Variants in RAI14 observed in about 807,000 individuals in gnomAD.
The protein encoded by RAI14 is ankycorbin.
Under a neutral mutation model 115.4 loss-of-function variants are expected in RAI14, and 45 were observed. The ratio of observed to expected loss-of-function variants is 0.39; its 90% CI spans 0.31 to 0.50. RAI14 has a LOEUF of 0.50. Ranked by LOEUF, RAI14 falls within the 20% of genes least tolerant of loss-of-function variation. RAI14 has a pLI of 0.85. For synonymous variants in RAI14, 371 were observed against 415.4 expected (o/e 0.89, Z 1.30); for missense variants, 939 against 1,131.2 (o/e 0.83, Z 2.44).
chr5:34,698,274 C>T (rs1369269970), intron 2 of RAI14, among the ~76,000 whole-genome samples: 2 of 149,124 alleles, frequency 1.3e-5, no homozygotes, highest in South Asian at 2.2e-4. Context: ...CCAGCACTTC[C>T]CTTTAAAGCA....
At chr5:34,716,377 G>C (rs1160742990) in intron 2 of RAI14, among the ~76,000 whole-genome samples, 1 of 151,884 alleles carries the variant, frequency 6.6e-6, no homozygotes, top group Non-Finnish European at 1.5e-5. Flanking sequence ...AGTAGCTTTT[G>C]TCATGTGGGT....
chr5:34,678,030 C>T (rs927213952), intron 1 of RAI14, among the ~76,000 whole-genome samples: 3 of 152,048 alleles, frequency 2.0e-5, no homozygotes, highest in Non-Finnish European at 4.4e-5. Context: ...CTCTAGGGAT[C>T]GCTGTATGGT....
chr5:34,781,862 T>C (rs1232089561), intron 3 of RAI14, among the ~76,000 whole-genome samples: 2 of 151,820 alleles, frequency 1.3e-5, no homozygotes, highest in Non-Finnish European at 2.9e-5. Context: ...GAGTGTGGAG[T>C]GGGAAATCAG....
At chr5:34,799,201 C>T (rs1753892846) in intron 4 of RAI14, among the ~76,000 whole-genome samples, 1 of 152,200 alleles carries the variant, frequency 6.6e-6, no homozygotes, top group Non-Finnish European at 1.5e-5. Flanking sequence ...CCTATTCACT[C>T]TCCCTCTCAA....
At chr5:34,732,838 A>G (rs1744376785) in intron 2 of RAI14, among the ~76,000 whole-genome samples, 1 of 150,450 alleles carries the variant, frequency 6.6e-6, no homozygotes, top group South Asian at 2.1e-4. Flanking sequence ...TTTTTTCTCT[A>G]ATAGGATTAC....
intron 4 of RAI14, among the ~76,000 whole-genome samples, chr5:34,803,088 T>C (rs1580314015): frequency 1.3e-5 from 2 of 152,178 alleles, no homozygotes; most frequent in East Asian, 1.9e-4. Context: ...GGCAAACATA[T>C]TGACAGCTGA....
At chr5:34,665,482 C>T (rs1157266813) in intron 1 of RAI14, among the ~76,000 whole-genome samples, 1 of 149,336 alleles carries the variant, frequency 6.7e-6, no homozygotes, top group East Asian at 2.0e-4. Flanking sequence ...AAGTGTTTTC[C>T]ATTTTTTTTT....
At chr5:34,794,730 T>A (rs145802278) in intron 3 of RAI14, among the ~76,000 whole-genome samples, 1 of 152,288 alleles carries the variant, frequency 6.6e-6, no homozygotes, top group African/African-American at 2.4e-5. Flanking sequence ...TTATGGCTGA[T>A]TTGCAACTAG....
At chr5:34,689,616 T>C (rs1738320960) in intron 2 of RAI14, among the ~76,000 whole-genome samples, 1 of 152,198 alleles carries the variant, frequency 6.6e-6, no homozygotes, top group Non-Finnish European at 1.5e-5. Flanking sequence ...CTCACACCTG[T>C]AATCCCAGCT....
At chr5:34,716,251 G>C (rs1320772505) in intron 2 of RAI14, 1 of 318,758 alleles carries the variant, frequency 3.1e-6, no homozygotes, top group Non-Finnish European at 6.0e-6. Flanking sequence ...TGATAATCTA[G>C]GTGAGGCTGA....
chr5:34,681,314 A>G (rs1292243838), intron 1 of RAI14, among the ~76,000 whole-genome samples: 1 of 152,152 alleles, frequency 6.6e-6, no homozygotes, highest in Non-Finnish European at 1.5e-5. Flanking sequence ...ACAAGGAGAG[A>G]AGGAGTGTAT....
intron 3 of RAI14, among the ~76,000 whole-genome samples, chr5:34,768,390 G>A (rs1056199188): frequency 2.6e-5 from 4 of 152,138 alleles, no homozygotes; most frequent in East Asian, 3.9e-4. Context: ...AACAAAAACC[G>A]TGTCATTCAT....
At chr5:34,696,727 G>T (rs542752094) in intron 2 of RAI14, among the ~76,000 whole-genome samples, 4 of 152,144 alleles carry the variant, frequency 2.6e-5, no homozygotes, top group African/African-American at 7.2e-5. Context: ...CTCTTTTTAC[G>T]CCAGAAGTTA....
At chr5:34,706,904 C>T (rs1339695521) in intron 2 of RAI14, among the ~76,000 whole-genome samples, 1 of 152,184 alleles carries the variant, frequency 6.6e-6, no homozygotes, top group Non-Finnish European at 1.5e-5. Flanking sequence ...GAGGCAATAA[C>T]TGAGTCAAGA....
At chr5:34,801,880 G>A (rs905857297) in intron 4 of RAI14, among the ~76,000 whole-genome samples, 1 of 152,028 alleles carries the variant, frequency 6.6e-6, no homozygotes, top group Non-Finnish European at 1.5e-5. Flanking sequence ...AGACTAGCCT[G>A]GGCAACATAG....
intron 2 of RAI14, among the ~76,000 whole-genome samples, chr5:34,718,949 A>C (rs1226143579): frequency 6.6e-6 from 1 of 152,226 alleles, no homozygotes; most frequent in Non-Finnish European, 1.5e-5. Flanking sequence ...GAAAATCAAT[A>C]AGTTAATTCT....
chr5:34,660,303 A>C (rs562501043), intron 1 of RAI14, among the ~76,000 whole-genome samples: 9 of 152,244 alleles, frequency 5.9e-5, no homozygotes, highest in Admixed American at 2.6e-4. Context: ...GTGGTGGCGC[A>C]TGCCTGTAAT....
At chr5:34,750,848 A>ATTTTTTTTTTTTTTTTT (rs869028180) in intron 2 of RAI14, among the ~76,000 whole-genome samples, 4 of 83,638 alleles carry the variant, frequency 4.8e-5, no homozygotes, top group East Asian at 3.1e-4. Context: ...TTGCTTTATC[A>ATTTTTTTTTTTTTTTTT]TTTTTTTTTT....
At chr5:34,672,267 G>C (rs1561226039) in intron 1 of RAI14, among the ~76,000 whole-genome samples, 1 of 152,320 alleles carries the variant, frequency 6.6e-6, no homozygotes, top group Non-Finnish European at 1.5e-5. Flanking sequence ...TATGACATGA[G>C]TAAGAAATTA....
Sources: gnomAD v4.1 joint callset for allele counts (sites outside exome capture counted in the v4.1 genomes callset) on GRCh38, gnomAD v4.1.1 for gene constraint, MANE v1.5 for transcripts, NCBI Gene and HGNC (gene_info 2026-07-23, HGNC 2026-07-21) for gene names.